The following DLG2 variants were observed in gnomAD, a reference collection of about 807,000 sequenced individuals.
DLG2 encodes the protein disks large homolog 2.
In DLG2, 45 loss-of-function variants were observed where a neutral mutation model predicts 132.5. That is an observed-to-expected ratio of 0.34 (90% confidence interval 0.27 to 0.44). DLG2 has a LOEUF of 0.44. Among genes scored for constraint, DLG2 ranks in the 20% least tolerant of loss-of-function variants. The pLI is 1.00. For synonymous variants in DLG2, 424 were observed against 419.6 expected, an observed-to-expected ratio of 1.01 and a Z score of -0.13; for missense variants, 1,045 against 1,196.9, an observed-to-expected ratio of 0.87 and a Z score of 1.87.
intron 4 of DLG2, among the ~76,000 whole-genome samples, chr11:85,159,052 T>A (rs751232188): frequency 6.6e-6 from 1 of 152,078 alleles, no homozygotes; most frequent in African/African-American, 2.4e-5. Context: ...AATTTTTCTC[T>A]CTCCTTCCCC....
chr11:84,273,183 A>G, intron 7 of DLG2: 5 of 1,567,868 alleles, frequency 3.2e-6, no homozygotes, highest in Non-Finnish European at 4.3e-6. Flanking sequence ...GCTTGTTCAC[A>G]TTGTTTTAAG....
intron 18 of DLG2, among the ~76,000 whole-genome samples, chr11:83,751,454 G>A (rs2093303284): frequency 6.6e-6 from 1 of 152,312 alleles, no homozygotes; most frequent in South Asian, 2.1e-4. Flanking sequence ...TTACATTTGT[G>A]TTGACAACAG....
rs145394887 is a variant in DLG2, at chr11:85,368,687, T to C, written c.41-83322A>G. ...TGGTGGCCAACAGTGCATATCTGAG[T>C]CTCTCTCAATAAATTGCTCTCAGCT... On this transcript the variant is annotated intron_variant, in intron 3 of 27. Transcript: ENST00000376104. Among the ~76,000 whole-genome samples, 804 of 152,310 alleles carry C rather than the reference T, an allele frequency of 5.3e-3. 7 individuals carry two copies. Among genetic ancestry groups the C allele is most frequent in the African/African-American group, 0.018 (762 of 41,558 alleles).
intron 11 of DLG2, among the ~76,000 whole-genome samples, chr11:84,047,086 G>T (rs1413344040): frequency 6.6e-6 from 1 of 151,622 alleles, no homozygotes; most frequent in Non-Finnish European, 1.5e-5. Context: ...GAAGAATTTA[G>T]CATGAAGTCA....
intron 19 of DLG2, among the ~76,000 whole-genome samples, chr11:83,596,920 C>T (rs2057688516): frequency 6.6e-6 from 1 of 152,096 alleles, no homozygotes; most frequent in Non-Finnish European, 1.5e-5. Context: ...TCTCCTCTCT[C>T]AGTTCTCATA....
chr11:83,993,651 G>T (rs2093853430), intron 11 of DLG2, among the ~76,000 whole-genome samples: 1 of 152,098 alleles, frequency 6.6e-6, no homozygotes, highest in Non-Finnish European at 1.5e-5. Context: ...CATTACACTT[G>T]AAATGGAATA....
intron 11 of DLG2, among the ~76,000 whole-genome samples, chr11:84,024,653 C>A (rs903383673): frequency 6.6e-6 from 1 of 151,986 alleles, no homozygotes; most frequent in African/African-American, 2.4e-5. Flanking sequence ...ATAAGTCCAG[C>A]AAATATAAAC....
chr11:84,240,178 G>T (rs1206488963), intron 8 of DLG2, among the ~76,000 whole-genome samples: 1 of 152,168 alleles, frequency 6.6e-6, no homozygotes, highest in Admixed American at 6.5e-5. Context: ...CATGGTGGTA[G>T]GCCTCTTGGA....
intron 6 of DLG2, among the ~76,000 whole-genome samples, chr11:85,055,977 T>C (rs2063409424): frequency 6.6e-6 from 1 of 152,158 alleles, no homozygotes; most frequent in Non-Finnish European, 1.5e-5. Context: ...ATCCCTGTAC[T>C]CTAGCTGCAC....
intron 7 of DLG2, among the ~76,000 whole-genome samples, chr11:84,525,291 C>G (rs2099316876): frequency 6.6e-6 from 1 of 152,108 alleles, no homozygotes; most frequent in Non-Finnish European, 1.5e-5. Context: ...ATCAGTTACT[C>G]CAACATAAAC....
At chr11:84,169,331 G>A (rs1304347154) in intron 8 of DLG2, among the ~76,000 whole-genome samples, 1 of 152,118 alleles carries the variant, frequency 6.6e-6, no homozygotes, top group East Asian at 1.9e-4. Flanking sequence ...CTTCAATAAT[G>A]ATAGCTATTA....
intron 18 of DLG2, among the ~76,000 whole-genome samples, chr11:83,704,049 G>A (rs1047437113): frequency 6.6e-6 from 1 of 151,960 alleles, no homozygotes; most frequent in Non-Finnish European, 1.5e-5. Flanking sequence ...AAAATAAATG[G>A]CAAGGACCTA....
At chr11:83,655,755 C>A (rs2072203782) in intron 18 of DLG2, among the ~76,000 whole-genome samples, 1 of 152,164 alleles carries the variant, frequency 6.6e-6, no homozygotes, top group Non-Finnish European at 1.5e-5. Flanking sequence ...CCTGGCCTAC[C>A]AACCCCTCTC....
intron 6 of DLG2, among the ~76,000 whole-genome samples, chr11:85,009,854 A>G (rs1179985441): frequency 1.3e-5 from 2 of 152,116 alleles, no homozygotes; most frequent in Non-Finnish European, 2.9e-5. Flanking sequence ...TGCTTACCAG[A>G]TTCTGTCTTC....
intron 6 of DLG2, among the ~76,000 whole-genome samples, chr11:84,586,758 C>T (rs947629130): frequency 2.0e-5 from 3 of 151,738 alleles, no homozygotes; most frequent in Admixed American, 6.6e-5. Flanking sequence ...GACATTTATA[C>T]ACTATTTCTA....
intron 10 of DLG2, among the ~76,000 whole-genome samples, chr11:84,091,255 C>T (rs1400929458): frequency 1.3e-5 from 2 of 152,204 alleles, no homozygotes; most frequent in Non-Finnish European, 2.9e-5. Flanking sequence ...CCGCCATGTG[C>T]TCTTCTTGCC....
intron 7 of DLG2, among the ~76,000 whole-genome samples, chr11:84,269,682 G>A (rs938115608): frequency 6.6e-6 from 1 of 152,172 alleles, no homozygotes; most frequent in Non-Finnish European, 1.5e-5. Context: ...AAGTTTTTCT[G>A]AGATGAATGA....
At chr11:85,392,915 G>C (rs971498484) in intron 3 of DLG2, among the ~76,000 whole-genome samples, 1 of 152,064 alleles carries the variant, frequency 6.6e-6, no homozygotes, top group African/African-American at 2.4e-5. Flanking sequence ...CATTGACTTA[G>C]GCAAAGACTT....
intron 3 of DLG2, among the ~76,000 whole-genome samples, chr11:85,436,361 A>C (rs986655017): frequency 6.6e-6 from 1 of 152,188 alleles, no homozygotes; most frequent in Non-Finnish European, 1.5e-5. Flanking sequence ...ACTATTACAG[A>C]GCAAACAACC....
Sources: gnomAD v4.1 joint callset for allele counts (sites outside exome capture counted in the v4.1 genomes callset) on GRCh38, gnomAD v4.1.1 for gene constraint, MANE v1.5 for transcripts, NCBI Gene and HGNC (gene_info 2026-07-23, HGNC 2026-07-21) for gene names.